Variants in CCDC88A observed in about 807,000 individuals in gnomAD.
The protein encoded by CCDC88A is coiled-coil and HOOK domain protein 88A.
A neutral mutation model predicts 234.3 loss-of-function variants in CCDC88A; 54 were observed. The ratio of observed to expected loss-of-function variants is 0.23; its 90% CI spans 0.19 to 0.29. The LOEUF (loss-of-function observed/expected upper bound fraction) is 0.29, where lower values mean the gene tolerates loss of function less well. Among genes scored for constraint, CCDC88A ranks in the 10% least tolerant of loss-of-function variants. CCDC88A has a pLI of 1.00. For missense variants in CCDC88A, 1,832 were observed against 2,123.4 expected (o/e 0.86, Z 2.70); for synonymous variants, 753 against 737.8 (o/e 1.02, Z -0.33).
rs763762175 is a variant in CCDC88A, at chr2:55,317,887, G to A, written c.3325-46C>T. On this transcript the variant is annotated intron_variant, in intron 19 of 32. Transcript: ENST00000436346. This position sits in a 1 kb window ranked among gnomAD's most constrained non-coding sequence, Gnocchi z 4.2. ...ATCAGACATAAGAAAAACAGTTCAT[G>A]TTCTTTTTCAAAATACAAGATTACA... 1 of 1,304,996 alleles carries A rather than the reference G, an allele frequency of 7.7e-7. No homozygotes were observed. Among genetic ancestry groups the A allele is most frequent in the South Asian group, 1.6e-5 (1 of 63,976 alleles). 80.8% of individuals were successfully genotyped at this position (1,304,996 alleles called of 1,614,324 possible). A position where few individuals can be genotyped will look rare whatever the true frequency, so the allele number is the denominator to read the frequency against.
intron 3 of CCDC88A, among the ~76,000 whole-genome samples, chr2:55,379,620 T>G (rs1367976068): frequency 6.6e-6 from 1 of 152,144 alleles, no homozygotes; most frequent in Non-Finnish European, 1.5e-5. Flanking sequence ...TGGTGATAAA[T>G]GCTAAGGATA....
chr2:55,380,861 T>G (rs765637405), intron 3 of CCDC88A, among the ~76,000 whole-genome samples: 4 of 152,104 alleles, frequency 2.6e-5, no homozygotes, highest in Non-Finnish European at 4.4e-5. Context: ...AAATGATCGC[T>G]TGCCTTGGCC....
chr2:55,295,567 G>A (rs566753897), intron 31 of CCDC88A, 30 bp downstream of exon 31: 2 of 1,614,100 alleles, frequency 1.2e-6, no homozygotes, highest in Non-Finnish European at 1.7e-6. Flanking sequence ...TCAAGTATAT[G>A]AGAGGACCAC....
chr2:55,341,109 T>C (rs901066283), intron 12 of CCDC88A, among the ~76,000 whole-genome samples: 1 of 151,358 alleles, frequency 6.6e-6, no homozygotes, highest in Non-Finnish European at 1.5e-5. Context: ...TTGAAGTTCA[T>C]CCATATTGTT....
chr2:55,330,054 C>G (rs1684733951), intron 16 of CCDC88A: 1 of 152,154 alleles, frequency 6.6e-6, no homozygotes, highest in South Asian at 2.1e-4. Flanking sequence ...AGCCACCGTG[C>G]CCGGCCTACT....
At chr2:55,339,226 T>G in intron 13 of CCDC88A, 1 of 374,674 alleles carries the variant, frequency 2.7e-6, no homozygotes, top group African/African-American at 2.1e-5. Context: ...CCCAAAGTGC[T>G]GGGATTACAG....
intron 2 of CCDC88A, among the ~76,000 whole-genome samples, chr2:55,412,579 G>A (rs887193406): frequency 2.6e-5 from 4 of 152,156 alleles, no homozygotes; most frequent in Admixed American, 6.5e-5. Context: ...GAATCTAATG[G>A]CTGATGATCT....
In CCDC88A at chr2:55,318,828, A is replaced by G; in HGVS notation, c.3324+15T>C. 2 of 1,562,494 alleles carry G rather than the reference A, an allele frequency of 1.3e-6. No individual in the cohort carries two copies. The highest frequency in any genetic ancestry group is 2.4e-5 in the South Asian group (2 of 82,642). ...AAGAGTTTGGTTGCATATTCCCAAA[A>G]TATTATATTACAACCTGAAGCTTGG... On this transcript the variant is annotated intron_variant, in intron 19 of 32. Transcript: ENST00000436346.
chr2:55,415,039 C>T (rs1347597411), intron 2 of CCDC88A, among the ~76,000 whole-genome samples: 1 of 149,808 alleles, frequency 6.7e-6, no homozygotes, highest in African/African-American at 2.5e-5. Flanking sequence ...TGCACTCCCG[C>T]CTGGGCATGG....
At chr2:55,399,659 T>A (rs536797850) in intron 2 of CCDC88A, 5 of 152,216 alleles carry the variant, frequency 3.3e-5, no homozygotes, top group Non-Finnish European at 5.9e-5. Flanking sequence ...AAACATTTTT[T>A]AAGGACTTTT....
rs181216782 is a variant in CCDC88A, at chr2:55,335,851, T to C, written c.1657-687A>G. ...CTAAAGAAACCTTCATTTTTATGGCTGGTCTGAGGACTGTACCTGGATGAT... is the reference window on the plus strand; with the variant it reads ...CTAAAGAAACCTTCATTTTTATGGCCGGTCTGAGGACTGTACCTGGATGAT... On this transcript the variant is annotated intron_variant, in intron 14 of 32. Coordinates refer to ENST00000436346, the MANE Select transcript of CCDC88A (RefSeq NM_001365480.1). The surrounding 1 kb of genome is among the most constrained non-coding windows in gnomAD (Gnocchi z 4.5). Among the ~76,000 whole-genome samples, 1 of 152,170 alleles carries C rather than the reference T, an allele frequency of 6.6e-6. No homozygotes were observed. Among genetic ancestry groups the C allele is most frequent in the Non-Finnish European group, 1.5e-5 (1 of 68,034 alleles).
intron 15 of CCDC88A, among the ~76,000 whole-genome samples, chr2:55,333,787 A>G (rs568346741): frequency 6.6e-6 from 1 of 152,202 alleles, no homozygotes; most frequent in South Asian, 2.1e-4. Flanking sequence ...CTTCTTTATT[A>G]TACTTAGAAT....
intron 29 of CCDC88A, among the ~76,000 whole-genome samples, chr2:55,299,261 A>C (rs889880824): frequency 6.6e-6 from 1 of 152,232 alleles, no homozygotes; most frequent in Non-Finnish European, 1.5e-5. Flanking sequence ...TTTAAGAAAA[A>C]GGTATCAGTC....
In CCDC88A at chr2:55,419,041, G is replaced by A; in HGVS notation, c.39C>T (p.Phe13=). The change falls in exon 1 of 33, where the codon TTC becomes TTT. Residue 13 remains phenylalanine, a synonymous_variant. Transcript: ENST00000436346. ...NEIFTPLLEQ[F]MTSPLVTWVK... The stretch of plus-strand genomic sequence containing the variant: ...CCCAAGTGACCAAAGGGCTGGTCAT[G>A]AACTGCTCCAGAAGGGGAGTAAAAA... 1.2e-6 allele frequency: 2 copies of A among 1,613,490 alleles called. No homozygotes were observed. The highest frequency in any genetic ancestry group is 8.5e-7 in the Non-Finnish European group (1 of 1,179,418).
rs1685359186 is a variant in CCDC88A at position 55,335,389 on chromosome 2, T to C, written c.1657-225A>G. ...TACTGTGAGGTCATTAAAGTTCATG[T>C]TTTTAGGAAGTTCACAGTTTAAAGG... On this transcript the variant is annotated intron_variant, in intron 14 of 32. Transcript: ENST00000436346. The surrounding 1 kb of genome is among the most constrained non-coding windows in gnomAD (Gnocchi z 4.5). Among the ~76,000 whole-genome samples the C allele has an allele frequency of 6.6e-6, 1 of 151,594 alleles. No individual in the cohort carries two copies. The highest frequency in any genetic ancestry group is 1.5e-5 in the Non-Finnish European group (1 of 67,964).
intron 15 of CCDC88A, among the ~76,000 whole-genome samples, chr2:55,333,160 T>G (rs1685121674): frequency 6.6e-6 from 1 of 152,206 alleles, no homozygotes; most frequent in South Asian, 2.1e-4. Flanking sequence ...TGTTCATGTT[T>G]ATAAGTCTAC....
Position 55,296,506 on chromosome 2 carries a change from G to C in CCDC88A, c.4843C>G (p.Gln1615Glu). The C allele has an allele frequency of 6.2e-7, 1 of 1,613,894 alleles. No individual in the cohort carries two copies. Among genetic ancestry groups the C allele is most frequent in the African/African-American group, 1.3e-5 (1 of 75,032 alleles). The change falls in exon 30 of 33, where the codon CAA becomes GAA. Residue 1615 changes from glutamine (Q) to glutamate (E), a missense_variant. By Grantham distance (29) the Gln-to-Glu change is conservative (BLOSUM62 2). This residue lies in a region of CCDC88A where 422 missense variants were observed against 416.5 expected (regional missense o/e 1.01). Transcript: ENST00000436346. The part of the protein sequence containing the change: ...HEVKAGAVNN[Q>E]SRPQSHSSGE... ...CTGCTGTGGCTTTGTGGCCTGCTTT[G>C]GTTATTAACTGCACCTGCTTTTGGA...
rs540271318 is a variant in CCDC88A at position 55,289,213 on chromosome 2, C to T, written c.*1987G>A. On this transcript the variant is annotated 3_prime_UTR_variant, in exon 33 of 33. Transcript: ENST00000436346. ...AATGTCATTCGCCCTCATTGGGCTACATCACCACCCATTAAATTTCAGCTT... is the reference window on the plus strand; with the variant it reads ...AATGTCATTCGCCCTCATTGGGCTATATCACCACCCATTAAATTTCAGCTT... 6.5e-6 allele frequency: 1 copy of T among 152,720 alleles called. No homozygotes were observed. Among genetic ancestry groups the T allele is most frequent in the East Asian group, 1.9e-4 (1 of 5,194 alleles). 9.5% of individuals were successfully genotyped at this position (152,720 alleles called of 1,614,324 possible). A position where few individuals can be genotyped will look rare whatever the true frequency, so the allele number is the denominator to read the frequency against.
intron 2 of CCDC88A, among the ~76,000 whole-genome samples, chr2:55,391,803 T>C (rs932010013): frequency 6.6e-6 from 1 of 152,216 alleles, no homozygotes; most frequent in African/African-American, 2.4e-5. Context: ...CACATATTAC[T>C]ACATAGTCCC....
Sources: gnomAD v4.1 joint callset for allele counts (sites outside exome capture counted in the v4.1 genomes callset) on GRCh38, gnomAD v4.1.1 for gene constraint, gnomAD v4.1.1 regional missense constraint, Gnocchi (gnomAD v3.1) non-coding constraint, MANE v1.5 for transcripts, NCBI Gene and HGNC (gene_info 2026-07-23, HGNC 2026-07-21) for gene names.